Variants in CNTNAP2 observed in about 807,000 individuals in gnomAD.
The protein encoded by CNTNAP2 is contactin-associated protein-like 2.
A neutral mutation model predicts 155.2 loss-of-function variants in CNTNAP2; 98 were observed. The observed-to-expected ratio is 0.63, with a 90% CI of 0.54 to 0.75. The LOEUF (loss-of-function observed/expected upper bound fraction) is 0.75. Ranked by LOEUF, CNTNAP2 falls within the 30% of genes least tolerant of loss-of-function variation. The probability of loss-of-function intolerance (pLI) is 0.00; values close to 1 mark genes in which losing one functional copy is unlikely to be tolerated. For synonymous variants in CNTNAP2, 651 were observed against 631.2 expected (o/e 1.03, Z -0.47); for missense variants, 1,727 against 1,688.1 (o/e 1.02, Z -0.40).
chr7:146,878,641 C>T (rs903187576), intron 3 of CNTNAP2, among the ~76,000 whole-genome samples: 7 of 152,108 alleles, frequency 4.6e-5, no homozygotes, highest in Non-Finnish European at 8.8e-5. Context: ...GGAGGCCCTT[C>T]ATAAATTGAC....
intron 9 of CNTNAP2, among the ~76,000 whole-genome samples, chr7:147,325,992 G>A (rs1328430165): frequency 2.0e-5 from 3 of 151,884 alleles, no homozygotes; most frequent in Non-Finnish European, 1.5e-5. Flanking sequence ...GCACAATCTC[G>A]GCTCACTGCA....
At chr7:146,819,713 T>G (rs2129195793) in intron 2 of CNTNAP2, among the ~76,000 whole-genome samples, 1 of 152,286 alleles carries the variant, frequency 6.6e-6, no homozygotes, top group Non-Finnish European at 1.5e-5. Context: ...CTCCTAATTT[T>G]CATCCCCAAA....
chr7:148,157,385 G>A (rs575568630), intron 17 of CNTNAP2, among the ~76,000 whole-genome samples: 18 of 152,224 alleles, frequency 1.2e-4, no homozygotes, highest in Middle Eastern at 6.8e-3. Context: ...ATAAGTGATT[G>A]TGATTTTTCT....
chr7:146,132,698 G>A (rs1320831133), intron 1 of CNTNAP2, among the ~76,000 whole-genome samples: 3 of 151,776 alleles, frequency 2.0e-5, no homozygotes, highest in South Asian at 2.1e-4. Flanking sequence ...AGTTTACTGA[G>A]AATGTTTTCC....
At chr7:147,577,646 T>C (rs1216925252) in intron 12 of CNTNAP2, among the ~76,000 whole-genome samples, 1 of 152,020 alleles carries the variant, frequency 6.6e-6, no homozygotes, top group African/African-American at 2.4e-5. Flanking sequence ...GCTCTGTCTT[T>C]TGCTTCAATA....
At chr7:146,890,137 T>G (rs1379351634) in intron 3 of CNTNAP2, among the ~76,000 whole-genome samples, 1 of 152,194 alleles carries the variant, frequency 6.6e-6, no homozygotes, top group African/African-American at 2.4e-5. Context: ...GCCACCTGTG[T>G]CCCAAGGTCC....
chr7:147,519,766 G>A (rs1266626627), intron 11 of CNTNAP2, among the ~76,000 whole-genome samples: 1 of 152,190 alleles, frequency 6.6e-6, no homozygotes, highest in African/African-American at 2.4e-5. Flanking sequence ...TGGGGAGGAT[G>A]AGGCAGGAGA....
At chr7:147,235,345 G>GGGGTGTGTGTGTGTGT (rs374435627) in intron 8 of CNTNAP2, among the ~76,000 whole-genome samples, 1 of 140,882 alleles carries the variant, frequency 7.1e-6, no homozygotes, top group African/African-American at 2.7e-5. Context: ...TGGAGTTTTT[G>GGGGTGTGTGTGTGTGT]GTGTGTGTGT....
intron 16 of CNTNAP2, among the ~76,000 whole-genome samples, chr7:148,120,469 G>T (rs189946515): frequency 3.3e-5 from 5 of 152,062 alleles, no homozygotes; most frequent in Admixed American, 2.0e-4. Flanking sequence ...ATCTCGCCAT[G>T]TCGGCCAGGC....
In CNTNAP2 at chr7:147,563,832, AG is replaced by A. The variant is rs149474272; in HGVS notation, c.1897+1576del. On this transcript the variant is annotated intron_variant, in intron 12 of 23. Transcript: ENST00000361727. ...ATTCATTATGTGTGAAGTGGAAATC[AG>A]ATTGTAAAACTAGAACTGAAAACCA... is the stretch of plus-strand genomic sequence containing the variant. Among the ~76,000 whole-genome samples, 548 of 152,214 alleles carry A rather than the reference AG, an allele frequency of 3.6e-3. 2 individuals are homozygous for A. The highest frequency in any genetic ancestry group is 0.012 in the African/African-American group (511 of 41,536).
intron 11 of CNTNAP2, among the ~76,000 whole-genome samples, chr7:147,507,633 A>G (rs1041408729): frequency 7.0e-6 from 1 of 141,892 alleles, no homozygotes; most frequent in African/African-American, 2.6e-5. Flanking sequence ...GCTCACTGCA[A>G]GCTCCGCCTC....
At chr7:146,982,780 G>A (rs564965305) in intron 3 of CNTNAP2, among the ~76,000 whole-genome samples, 2 of 152,220 alleles carry the variant, frequency 1.3e-5, no homozygotes, top group South Asian at 4.1e-4. Context: ...TGCTGCACAT[G>A]TCAAAAGGTC....
In CNTNAP2 at chr7:146,264,618, G is replaced by A. The variant is rs898978732; in HGVS notation, c.97+147645G>A. On this transcript the variant is annotated intron_variant, in intron 1 of 23. Coordinates refer to ENST00000361727, the MANE Select transcript of CNTNAP2 (RefSeq NM_014141.6). Reference sequence around the variant, plus strand: ...GTTGACAATGAAAACAGAGACATGAGGAAACAGAAATAGCACGTGGGGTTA... The same window carrying A: ...GTTGACAATGAAAACAGAGACATGAAGAAACAGAAATAGCACGTGGGGTTA... Among the ~76,000 whole-genome samples the A allele has an allele frequency of 3.3e-5, 5 of 152,122 alleles. No individual in the cohort carries two copies. In the East Asian group the frequency reaches 9.6e-4, roughly 29 times the overall value.
At chr7:148,107,496 A>G (rs1031851859) in intron 15 of CNTNAP2, among the ~76,000 whole-genome samples, 1 of 152,232 alleles carries the variant, frequency 6.6e-6, no homozygotes, top group Non-Finnish European at 1.5e-5. Flanking sequence ...AAACCCATGG[A>G]CAGCATTTTA....
intron 1 of CNTNAP2, among the ~76,000 whole-genome samples, chr7:146,202,321 G>T (rs750035958): frequency 1.3e-5 from 2 of 152,020 alleles, no homozygotes; most frequent in Non-Finnish European, 2.9e-5. Context: ...TTAACTGATG[G>T]CTAAATGTTA....
intron 21 of CNTNAP2, among the ~76,000 whole-genome samples, chr7:148,369,181 C>CTTTTTTTT (rs376460265): frequency 4.3e-5 from 4 of 92,348 alleles, no homozygotes; most frequent in South Asian, 5.1e-4. Flanking sequence ...AATTGAATCC[C>CTTTTTTTT]TTTTTTTTTT....
chr7:147,575,194 G>A (rs1259601912), intron 12 of CNTNAP2, among the ~76,000 whole-genome samples: 1 of 27,532 alleles, frequency 3.6e-5, no homozygotes, highest in African/African-American at 1.9e-4. Flanking sequence ...ATGTGTGTGT[G>A]TGTGTGTGTA....
chr7:148,375,573 C>T (rs1188673518), intron 21 of CNTNAP2, among the ~76,000 whole-genome samples: 1 of 150,436 alleles, frequency 6.6e-6, no homozygotes, highest in Non-Finnish European at 1.5e-5. Context: ...GTTGGCCAGG[C>T]TGGTCTCAAA....
rs569289722 is a variant in CNTNAP2 at position 146,547,038 on chromosome 7, G to A, written c.98-227233G>A. The stretch of plus-strand genomic sequence containing the variant: ...GGCAGGGGAGTCGTTTAGGTCGTAA[G>A]CACTTAGTGTGACTTTTCAGCCACG... On this transcript the variant is annotated intron_variant, in intron 1 of 23. Transcript: ENST00000361727. Among the ~76,000 whole-genome samples the A allele has an allele frequency of 2.0e-3, 302 of 151,604 alleles. 2 individuals carry two copies. The highest frequency in any genetic ancestry group is 6.9e-3 in the African/African-American group (287 of 41,360).
Sources: gnomAD v4.1 joint callset for allele counts (sites outside exome capture counted in the v4.1 genomes callset) on GRCh38, gnomAD v4.1.1 for gene constraint, MANE v1.5 for transcripts, NCBI Gene and HGNC (gene_info 2026-07-23, HGNC 2026-07-21) for gene names.